Variants in SOX5 observed in about 807,000 individuals in gnomAD.
SOX5 encodes SRY-box transcription factor 5.
Under a neutral mutation model 92.0 loss-of-function variants are expected in SOX5, and 9 were observed. The ratio of observed to expected loss-of-function variants is 0.10; its 90% CI spans 0.06 to 0.17. The LOEUF (loss-of-function observed/expected upper bound fraction) is 0.17. Among genes scored for constraint, SOX5 ranks in the 10% least tolerant of loss-of-function variants. The pLI is 1.00. For missense variants in SOX5, 642 were observed against 944.5 expected (o/e 0.68, Z 4.20); for synonymous variants, 344 against 336.3 (o/e 1.02, Z -0.25).
intron 5 of SOX5, among the ~76,000 whole-genome samples, chr12:23,736,981 C>G (rs1223899064): frequency 1.3e-5 from 2 of 151,138 alleles, no homozygotes; most frequent in African/African-American, 4.9e-5. Flanking sequence ...GCGTGAGCCA[C>G]AGTGCCCGAC....
chr12:24,029,549 A>G (rs1359483589), intron 4 of SOX5, among the ~76,000 whole-genome samples: 2 of 151,556 alleles, frequency 1.3e-5, no homozygotes, highest in African/African-American at 4.8e-5. Context: ...CACTAGGATT[A>G]CAGGCATAAA....
At chr12:23,802,244 T>A (rs953314867) in intron 3 of SOX5, among the ~76,000 whole-genome samples, 4 of 151,914 alleles carry the variant, frequency 2.6e-5, no homozygotes, top group Non-Finnish European at 5.9e-5. Context: ...CAGCTAAATT[T>A]TTTTTTTGTG....
intron 1 of SOX5, among the ~76,000 whole-genome samples, chr12:24,515,527 T>C (rs1034039084): frequency 3.3e-5 from 5 of 152,204 alleles, no homozygotes; most frequent in Admixed American, 6.5e-5. Context: ...ACAGACACTC[T>C]AGCAATTTTT....
chr12:24,276,924 G>A (rs1295269257), intron 3 of SOX5, among the ~76,000 whole-genome samples: 1 of 151,890 alleles, frequency 6.6e-6, no homozygotes, highest in Non-Finnish European at 1.5e-5. Flanking sequence ...GGAGAAAAAA[G>A]CTTTCACAAC....
chr12:23,745,400 G>C (rs1203483419), intron 4 of SOX5, among the ~76,000 whole-genome samples: 2 of 152,034 alleles, frequency 1.3e-5, no homozygotes, highest in African/African-American at 4.8e-5. Context: ...AGATAACAAA[G>C]TCATATCATG....
At chr12:23,600,569 G>C in intron 9 of SOX5, among the ~76,000 whole-genome samples, 1 of 51,670 alleles carries the variant, frequency 1.9e-5, no homozygotes, top group Non-Finnish European at 4.0e-5. Context: ...ACTTGGCTTG[G>C]GACTAAAAAA....
chr12:24,483,166 T>G (rs1250592124), intron 1 of SOX5, among the ~76,000 whole-genome samples: 2 of 152,198 alleles, frequency 1.3e-5, no homozygotes, highest in African/African-American at 4.8e-5. Flanking sequence ...TCTTCAATTT[T>G]CCTTTCAAAA....
intron 2 of SOX5, among the ~76,000 whole-genome samples, chr12:24,284,651 T>C (rs1945634206): frequency 1.3e-5 from 2 of 152,200 alleles, no homozygotes; most frequent in Non-Finnish European, 2.9e-5. Flanking sequence ...GTCTACCTCC[T>C]GCCAGGCAGG....
At chr12:23,623,752 T>C (rs556707286) in intron 8 of SOX5, among the ~76,000 whole-genome samples, 50 of 152,210 alleles carry the variant, frequency 3.3e-4, no homozygotes, top group Non-Finnish European at 5.0e-4. Context: ...CACAATTAGA[T>C]ATCACCTCAC....
At chr12:23,825,266 G>A (rs7134575) in intron 3 of SOX5, among the ~76,000 whole-genome samples, 20,066 of 152,220 alleles carry the variant, frequency 0.13, 1,445 homozygotes, top group African/African-American at 0.19. Context: ...AAGACCATGG[G>A]AAAAGCATAG....
intron 9 of SOX5, among the ~76,000 whole-genome samples, chr12:23,588,264 G>C (rs2137055470): frequency 6.6e-6 from 1 of 152,098 alleles, no homozygotes; most frequent in South Asian, 2.1e-4. Flanking sequence ...AAAAGGCTTA[G>C]AACTGAGCAT....
intron 6 of SOX5, among the ~76,000 whole-genome samples, chr12:23,717,335 G>A (rs939023111): frequency 1.3e-5 from 2 of 152,108 alleles, no homozygotes; most frequent in African/African-American, 2.4e-5. Flanking sequence ...GCAATGAATT[G>A]TGACTTTATT....
intron 4 of SOX5, among the ~76,000 whole-genome samples, chr12:24,034,752 C>A (rs1469127956): frequency 5.3e-5 from 8 of 152,120 alleles, no homozygotes; most frequent in Admixed American, 3.9e-4. Flanking sequence ...ACTTACCTAA[C>A]AATTTTATCT....
intron 3 of SOX5, among the ~76,000 whole-genome samples, chr12:23,778,800 T>C (rs1483636517): frequency 2.0e-5 from 3 of 152,100 alleles, no homozygotes; most frequent in East Asian, 3.9e-4. Flanking sequence ...TTCTTCTTCA[T>C]AAGAGAGTGG....
intron 4 of SOX5, among the ~76,000 whole-genome samples, chr12:24,158,168 T>C (rs575821182): frequency 1.3e-5 from 2 of 152,184 alleles, no homozygotes; most frequent in South Asian, 2.1e-4. Flanking sequence ...TAGGTCATAC[T>C]AGCATTCCCA....
chr12:24,087,414 G>C (rs757677618), intron 4 of SOX5, among the ~76,000 whole-genome samples: 2 of 151,986 alleles, frequency 1.3e-5, no homozygotes, highest in Non-Finnish European at 2.9e-5. Flanking sequence ...GTCATCTCTT[G>C]CTTCTATTTT....
At chr12:23,927,425 TCTTTCA>T (rs1436800200) in intron 1 of SOX5, among the ~76,000 whole-genome samples, 1 of 152,074 alleles carries the variant, frequency 6.6e-6, no homozygotes, top group Non-Finnish European at 1.5e-5. Context: ...TATCTCCCTC[TCTTTCA>T]TTCTCGCTTT....
chr12:23,692,253 T>C (rs1048450134), intron 6 of SOX5, among the ~76,000 whole-genome samples: 4 of 151,702 alleles, frequency 2.6e-5, no homozygotes, highest in Admixed American at 2.6e-4. Flanking sequence ...GCCAACATAG[T>C]GAGACTCCAT....
chr12:24,352,016 G>A (rs1237077290), intron 2 of SOX5, among the ~76,000 whole-genome samples: 1 of 152,214 alleles, frequency 6.6e-6, no homozygotes, highest in Non-Finnish European at 1.5e-5. Flanking sequence ...CTCAGAGGAA[G>A]AGAGCTGCCT....
Sources: allele counts gnomAD v4.1 joint callset (sites outside exome capture counted in the v4.1 genomes callset), GRCh38; gene constraint gnomAD v4.1.1; transcripts MANE v1.5; gene names NCBI Gene and HGNC (gene_info 2026-07-23, HGNC 2026-07-21).